PRKN: variants seen among roughly 807,000 people sequenced by gnomAD.
PRKN encodes the protein E3 ubiquitin-protein ligase parkin.
In PRKN, 56 loss-of-function variants were observed where a neutral mutation model predicts 59.5. The observed-to-expected ratio is 0.94, with a 90% CI of 0.76 to 1.18. The LOEUF is 1.18. Among genes scored for constraint, PRKN ranks in the 50% most tolerant of loss-of-function variants. PRKN has a pLI of 0.00. For synonymous variants in PRKN, 250 were observed against 222.1 expected (o/e 1.13, Z -1.12); for missense variants, 657 against 596.4 (o/e 1.10, Z -1.06).
chr6:162,465,146 A>G (rs73606380), intron 1 of PRKN, among the ~76,000 whole-genome samples: 33,358 of 152,054 alleles, frequency 0.22, 4,688 homozygotes, highest in African/African-American at 0.4. Context: ...ACCAAGCATC[A>G]CTTCTATGAA....
At chr6:162,582,203 T>C (rs545650375) in intron 1 of PRKN, among the ~76,000 whole-genome samples, 2 of 152,330 alleles carry the variant, frequency 1.3e-5, no homozygotes, top group East Asian at 3.9e-4. Flanking sequence ...TCCAATATTA[T>C]GTATGCAAAG....
rs1787098031 is a variant in PRKN, at chr6:161,402,573, G to C, written c.1084-15696C>G. 6.6e-6 allele frequency among the ~76,000 whole-genome samples: 1 copy of C among 152,022 alleles called. No individual in the cohort carries two copies. The highest frequency in any genetic ancestry group is 2.4e-5 in the African/African-American group (1 of 41,366). On this transcript the variant is annotated intron_variant, in intron 9 of 11. Transcript: ENST00000366898. This position sits in a 1 kb window ranked among gnomAD's most constrained non-coding sequence, Gnocchi z 4.5. ...CTCTACCCTCCCAGGTTCTTTGGCT[G>C]GGCTATTGATTAAAATGGCATATAA...
chr6:162,599,621 C>T (rs1177023205), intron 1 of PRKN, among the ~76,000 whole-genome samples: 1 of 152,148 alleles, frequency 6.6e-6, no homozygotes, highest in Non-Finnish European at 1.5e-5. Context: ...TATTCAGTGA[C>T]AGAGCCCAGG....
chr6:162,085,235 T>C (rs1336638798), intron 4 of PRKN, among the ~76,000 whole-genome samples: 2 of 151,160 alleles, frequency 1.3e-5, no homozygotes, highest in Non-Finnish European at 2.9e-5. Context: ...GTTGTATAAA[T>C]GGAGGTGAAA....
Position 161,646,442 on chromosome 6 carries a change from TGGTGGAGGA to T in PRKN, c.872-77035_872-77027del, listed in dbSNP as rs200496135. On this transcript the variant is annotated intron_variant, in intron 7 of 11. Coordinates refer to ENST00000366898, the MANE Select transcript of PRKN (RefSeq NM_004562.3). ...ACAGTGGTCACTGCGTGTGCGTGCG[TGGTGGAGGA>T]GGCGGCGTATTAGTGACAGTGGTGA... Among the ~76,000 whole-genome samples the T allele has an allele frequency of 1.7e-5, 2 of 116,814 alleles. 1 individual carries two copies. The highest frequency in any genetic ancestry group is 3.8e-5 in the Non-Finnish European group (2 of 52,556). The allele number at this position is 116,814 out of a possible 152,430, so 76.6% of individuals were successfully genotyped here. A position where few individuals can be genotyped will look rare whatever the true frequency, so the allele number is the denominator to read the frequency against.
intron 6 of PRKN, among the ~76,000 whole-genome samples, chr6:161,804,756 A>C (rs1408482838): frequency 6.6e-6 from 1 of 152,212 alleles, no homozygotes; most frequent in African/African-American, 2.4e-5. Flanking sequence ...AACACTGAAA[A>C]AGTTTCAAAC....
At chr6:161,696,846 G>T (rs1786043322) in intron 7 of PRKN, among the ~76,000 whole-genome samples, 1 of 152,192 alleles carries the variant, frequency 6.6e-6, no homozygotes, top group Admixed American at 6.5e-5. Flanking sequence ...TGCATGCTCA[G>T]TCAGCCTCAG....
intron 1 of PRKN, among the ~76,000 whole-genome samples, chr6:162,628,270 A>T (rs1216704089): frequency 6.6e-6 from 1 of 152,186 alleles, no homozygotes; most frequent in Non-Finnish European, 1.5e-5. Context: ...GAACTTAAAC[A>T]TAACTGTATG....
intron 4 of PRKN, among the ~76,000 whole-genome samples, chr6:162,094,177 C>G (rs1185700559): frequency 6.6e-6 from 1 of 152,102 alleles, no homozygotes. Flanking sequence ...CATCTGTGAG[C>G]TGGGGCTGCA....
At chr6:161,708,210 G>A (rs967334120) in intron 7 of PRKN, among the ~76,000 whole-genome samples, 1 of 152,084 alleles carries the variant, frequency 6.6e-6, no homozygotes, top group Non-Finnish European at 1.5e-5. Flanking sequence ...GAAACACTAT[G>A]TTTTTAGAAG....
At chr6:162,048,899 T>A (rs187403881) in intron 5 of PRKN, among the ~76,000 whole-genome samples, 1 of 152,142 alleles carries the variant, frequency 6.6e-6, no homozygotes, top group Non-Finnish European at 1.5e-5. Context: ...ATATCCAAAG[T>A]TGAGTTAATT....
intron 9 of PRKN, among the ~76,000 whole-genome samples, chr6:161,512,648 C>T (rs1274467405): frequency 1.3e-5 from 2 of 152,182 alleles, no homozygotes; most frequent in African/African-American, 4.8e-5. Context: ...AACCACACAA[C>T]CAAGAGGAAG....
intron 7 of PRKN, among the ~76,000 whole-genome samples, chr6:161,758,656 GT>G (rs1407776178): frequency 6.6e-6 from 1 of 152,108 alleles, no homozygotes; most frequent in African/African-American, 2.4e-5. Flanking sequence ...CCTCTTGTAT[GT>G]CAATAAAGCT....
intron 4 of PRKN, among the ~76,000 whole-genome samples, chr6:162,079,660 C>T (rs573080839): frequency 6.6e-6 from 1 of 152,110 alleles, no homozygotes; most frequent in African/African-American, 2.4e-5. Flanking sequence ...TCTCATCTGC[C>T]CACTTCCCTC....
chr6:161,635,557 A>G (rs565491945), intron 7 of PRKN, among the ~76,000 whole-genome samples: 6 of 152,352 alleles, frequency 3.9e-5, no homozygotes, highest in Non-Finnish European at 7.3e-5. Flanking sequence ...ATTTTTCAAT[A>G]ATTTGCCATA....
chr6:162,626,844 A>C (rs1338154560), intron 1 of PRKN, among the ~76,000 whole-genome samples: 1 of 152,068 alleles, frequency 6.6e-6, no homozygotes, highest in Non-Finnish European at 1.5e-5. Context: ...AACTGAGCAT[A>C]AGATGATTAA....
chr6:161,978,041 T>G (rs542518121), intron 5 of PRKN, among the ~76,000 whole-genome samples: 7 of 127,096 alleles, frequency 5.5e-5, no homozygotes, highest in African/African-American at 8.9e-5. Context: ...GTATTTTATT[T>G]TATTTTATTT....
chr6:162,390,944 G>A (rs925715061), intron 2 of PRKN, among the ~76,000 whole-genome samples: 7 of 152,142 alleles, frequency 4.6e-5, no homozygotes, highest in Admixed American at 1.3e-4. Context: ...CTTAACGTAA[G>A]TCAAATATTT....
intron 1 of PRKN, among the ~76,000 whole-genome samples, chr6:162,716,902 G>A (rs1333132519): frequency 6.6e-6 from 1 of 152,150 alleles, no homozygotes; most frequent in East Asian, 1.9e-4. Context: ...TCCTTCATAA[G>A]GAAGTACCTA....
Sources: allele counts gnomAD v4.1 joint callset (sites outside exome capture counted in the v4.1 genomes callset), GRCh38; gene constraint gnomAD v4.1.1; non-coding constraint Gnocchi (gnomAD v3.1); transcripts MANE v1.5; gene names NCBI Gene and HGNC (gene_info 2026-07-23, HGNC 2026-07-21).